SHQ1: variants seen among roughly 807,000 people sequenced by gnomAD.
SHQ1 encodes SHQ1, H/ACA ribonucleoprotein assembly factor, also known as protein SHQ1 homolog.
SHQ1 carries 49 observed loss-of-function variants against 53.8 expected under a neutral mutation model. The observed-to-expected ratio is 0.91, with a 90% CI of 0.72 to 1.16. The LOEUF is 1.16. Ranked by LOEUF, SHQ1 falls within the 50% of genes most tolerant of loss-of-function variation. SHQ1 has a pLI of 0.00. For missense variants in SHQ1, 738 were observed against 683.1 expected, an observed-to-expected ratio of 1.08 and a Z score of -0.90; for synonymous variants, 243 against 251.0, an observed-to-expected ratio of 0.97 and a Z score of 0.30.
chr3:72,789,081 T>TAAAAAAAAAAA (rs1205170855), intron 10 of SHQ1, among the ~76,000 whole-genome samples: 32 of 61,552 alleles, frequency 5.2e-4, no homozygotes, highest in African/African-American at 8.2e-4. Context: ...CAATAAACAC[T>TAAAAAAAAAAA]AAAAAAAAAA....
chr3:72,792,097 C>T (rs1013737044), intron 10 of SHQ1, among the ~76,000 whole-genome samples: 1 of 152,216 alleles, frequency 6.6e-6, no homozygotes, highest in Non-Finnish European at 1.5e-5. Flanking sequence ...AAGAATCATG[C>T]TATTAGGCTC....
At position 72,817,383 on chromosome 3, in the gene SHQ1, C is replaced by A. The variant is rs761915318; in HGVS notation, c.729G>T (p.Val243=). 56 of 1,604,346 alleles carry A rather than the reference C, an allele frequency of 3.5e-5. No individual in the cohort carries two copies. Among genetic ancestry groups the A allele is most frequent in the Non-Finnish European group, 4.4e-5 (52 of 1,174,868 alleles). Residue 243 remains valine (V), a splice_region_variant and synonymous_variant, in exon 7 of 11, where the codon GTG becomes GTT. Transcript: ENST00000325599. ...SQEQENHATL[V]SFSEEEKYQL... is the part of the protein sequence containing the mutation. ...GATACTTCTCTTCTTCAGAAAAAGA[C>A]ACTAGAAGAAAACGCATTTAAAAAC...
intron 10 of SHQ1, among the ~76,000 whole-genome samples, chr3:72,782,852 T>C (rs772973511): frequency 2.0e-5 from 3 of 152,202 alleles, no homozygotes; most frequent in Non-Finnish European, 4.4e-5. Flanking sequence ...CATTAATCAA[T>C]GTAAGCCTTT....
intron 1 of SHQ1, among the ~76,000 whole-genome samples, chr3:72,846,834 G>A (rs1708346704): frequency 1.3e-5 from 2 of 152,168 alleles, no homozygotes; most frequent in African/African-American, 4.8e-5. Context: ...TTGTAACACT[G>A]TCCTAATAAC....
intron 10 of SHQ1, among the ~76,000 whole-genome samples, chr3:72,780,470 G>A (rs968870839): frequency 2.0e-5 from 3 of 152,150 alleles, no homozygotes; most frequent in Non-Finnish European, 4.4e-5. Context: ...TTTTTCTGAA[G>A]CATTAGGATA....
chr3:72,813,340 A>T (rs1707184405), intron 8 of SHQ1, among the ~76,000 whole-genome samples: 1 of 151,352 alleles, frequency 6.6e-6, no homozygotes, highest in African/African-American at 2.4e-5. Context: ...GGTGACAGGC[A>T]CCTGTAATCC....
At chr3:72,751,502 G>GTATATA (rs1469973919) in intron 10 of SHQ1, among the ~76,000 whole-genome samples, 3 of 118,808 alleles carry the variant, frequency 2.5e-5, no homozygotes, top group African/African-American at 1.3e-4. Flanking sequence ...GTGTGTGTGT[G>GTATATA]TGTGTGTATA....
chr3:72,745,841 CTT>C (rs112536732), downstream of SHQ1, among the ~76,000 whole-genome samples: 23 of 144,118 alleles, frequency 1.6e-4, no homozygotes, highest in African/African-American at 4.3e-4. Context: ...TCATCTATTC[CTT>C]TTTTTTTTTT....
chr3:72,815,490 G>T, intron 7 of SHQ1, 87 bp from the exon 8 acceptor site: 1 of 1,010,850 alleles, frequency 9.9e-7, no homozygotes, highest in Non-Finnish European at 1.6e-6. Context: ...TTCAACCAGT[G>T]TCTGAGGATC....
intron 10 of SHQ1, among the ~76,000 whole-genome samples, chr3:72,754,778 A>G (rs1049641792): frequency 6.6e-6 from 1 of 152,214 alleles, no homozygotes; most frequent in Non-Finnish European, 1.5e-5. Flanking sequence ...CACAAAGCCC[A>G]GAATCCTCCA....
intron 6 of SHQ1, among the ~76,000 whole-genome samples, chr3:72,818,195 A>C (rs1398742663): frequency 6.6e-6 from 1 of 152,046 alleles, no homozygotes; most frequent in Admixed American, 6.6e-5. Context: ...CTCACTCAAC[A>C]ATACCTCTGG....
At chr3:72,735,954 C>G in the SHQ1 span, among the ~76,000 whole-genome samples, 1 of 152,074 alleles carries the variant, frequency 6.6e-6, no homozygotes, top group African/African-American at 2.4e-5. Flanking sequence ...TATGCAATTT[C>G]TTTTCCAGAA....
At chr3:72,800,877 T>G (rs1706766712) in intron 9 of SHQ1, among the ~76,000 whole-genome samples, 1 of 152,244 alleles carries the variant, frequency 6.6e-6, no homozygotes, top group Non-Finnish European at 1.5e-5. Flanking sequence ...TACATCACTG[T>G]ACCACCATAA....
the SHQ1 span, among the ~76,000 whole-genome samples, chr3:72,743,647 C>T: frequency 2.8e-4 from 42 of 152,268 alleles, no homozygotes; most frequent in Non-Finnish European, 7.4e-5. Context: ...AAAGAGCTGT[C>T]GAGTGTTTGA....
At chr3:72,732,384 GCCTGCCTTCCTT>G in the SHQ1 span, among the ~76,000 whole-genome samples, 27 of 87,056 alleles carry the variant, frequency 3.1e-4, no homozygotes, top group African/African-American at 1.3e-3. Context: ...CTGCCTGCCT[GCCTGCCTTCCTT>G]CCTTCCTTCC....
At chr3:72,762,020 A>C (rs1705620533) in intron 10 of SHQ1, among the ~76,000 whole-genome samples, 1 of 152,196 alleles carries the variant, frequency 6.6e-6, no homozygotes, top group Non-Finnish European at 1.5e-5. Context: ...CTCTAGCTCC[A>C]GCAGTTTTTT....
chr3:72,803,487 G>A (rs1706852609), intron 9 of SHQ1, among the ~76,000 whole-genome samples: 1 of 152,142 alleles, frequency 6.6e-6, no homozygotes, highest in South Asian at 2.1e-4. Context: ...CACCTTGTGG[G>A]AAGGCGAGAG....
chr3:72,756,531 G>C (rs892406863), intron 10 of SHQ1, among the ~76,000 whole-genome samples: 2 of 152,196 alleles, frequency 1.3e-5, no homozygotes, highest in Non-Finnish European at 1.5e-5. Context: ...ACCCACCTTG[G>C]TCTCTCAAAG....
At chr3:72,729,215 G>C in the SHQ1 span, among the ~76,000 whole-genome samples, 1 of 152,222 alleles carries the variant, frequency 6.6e-6, no homozygotes, top group African/African-American at 2.4e-5. Flanking sequence ...GGATTCGTTA[G>C]TGGCTCCTAT....
Sources: allele counts gnomAD v4.1 joint callset (sites outside exome capture counted in the v4.1 genomes callset), GRCh38; gene constraint gnomAD v4.1.1; transcripts MANE v1.5; gene names NCBI Gene and HGNC (gene_info 2026-07-23, HGNC 2026-07-21).